PTPRD: variants seen among roughly 807,000 people sequenced by gnomAD.
PTPRD encodes the protein protein tyrosine phosphatase receptor type D, also known as receptor-type tyrosine-protein phosphatase delta.
Under a neutral mutation model 214.5 loss-of-function variants are expected in PTPRD, and 34 were observed. That is an observed-to-expected ratio of 0.16 (90% CI 0.12 to 0.21). The LOEUF (loss-of-function observed/expected upper bound fraction) is 0.21, where lower values mean the gene tolerates loss of function less well. PTPRD is among the 10% of genes least tolerant of loss of function. PTPRD has a pLI of 1.00. For missense variants in PTPRD, 2,545 were observed against 2,398.7 expected, an observed-to-expected ratio of 1.06 and a Z score of -1.27; for synonymous variants, 1,128 against 845.7, an observed-to-expected ratio of 1.33 and a Z score of -5.79.
intron 8 of PTPRD, among the ~76,000 whole-genome samples, chr9:9,426,876 A>T (rs562613096): frequency 3.9e-5 from 6 of 152,028 alleles, no homozygotes; most frequent in African/African-American, 1.4e-4. Context: ...TAACAAACAG[A>T]AAGGGCATCT....
At chr9:8,621,331 G>C (rs1204161484) in intron 14 of PTPRD, among the ~76,000 whole-genome samples, 1 of 151,966 alleles carries the variant, frequency 6.6e-6, no homozygotes, top group East Asian at 1.9e-4. Flanking sequence ...AACCAGGCTT[G>C]TGTAAAAGAC....
intron 8 of PTPRD, among the ~76,000 whole-genome samples, chr9:9,486,164 A>AAAAAC (rs2095625504): frequency 7.0e-6 from 1 of 142,246 alleles, no homozygotes; most frequent in South Asian, 2.3e-4. Context: ...AAAAAAAAAA[A>AAAAAC]AAAAAAAAAA....
At chr9:8,948,808 T>C (rs895438211) in intron 11 of PTPRD, among the ~76,000 whole-genome samples, 4 of 151,266 alleles carry the variant, frequency 2.6e-5, no homozygotes, top group African/African-American at 4.9e-5. Flanking sequence ...GATGAAGCCA[T>C]AATTCTGGAA....
chr9:8,780,874 G>A (rs1034871406), intron 11 of PTPRD, among the ~76,000 whole-genome samples: 1 of 152,164 alleles, frequency 6.6e-6, no homozygotes, highest in Non-Finnish European at 1.5e-5. Context: ...GTGGAGGTAC[G>A]TTTGCTTACA....
intron 2 of PTPRD, among the ~76,000 whole-genome samples, chr9:10,430,312 AG>A (rs1264521317): frequency 2.6e-5 from 4 of 152,006 alleles, no homozygotes; most frequent in Non-Finnish European, 5.9e-5. Context: ...ATTTAAAAAA[AG>A]AAATTAAAAC....
chr9:9,018,730 G>T lies in PTPRD; in HGVS notation c.-137C>A, dbSNP rs893069103. 2 of 152,134 alleles carry T rather than the reference G, an allele frequency of 1.3e-5. No homozygotes were observed. The highest frequency in any genetic ancestry group is 6.6e-5 in the Admixed American group (1 of 15,258). 9.4% of individuals were successfully genotyped at this position (152,134 alleles called of 1,614,324 possible). On this transcript the variant is annotated 5_prime_UTR_variant, in exon 11 of 46. Coordinates refer to ENST00000381196, the MANE Select transcript of PTPRD (RefSeq NM_002839.4). ...TAGATCCCACGGGTGTTCACCAGAC[G>T]TCTCCCTAAACAAAGAAGAAATGTG...
chr9:9,882,278 T>A (rs1218249268), intron 5 of PTPRD, among the ~76,000 whole-genome samples: 1 of 152,110 alleles, frequency 6.6e-6, no homozygotes, highest in Non-Finnish European at 1.5e-5. Flanking sequence ...TAGAATATTT[T>A]CTAGAGGTTC....
At chr9:8,418,125 C>G (rs1163256560) in intron 35 of PTPRD, among the ~76,000 whole-genome samples, 1 of 152,108 alleles carries the variant, frequency 6.6e-6, no homozygotes, top group Non-Finnish European at 1.5e-5. Flanking sequence ...TAAATTCCAG[C>G]CTTTGGCTCT....
At chr9:8,330,239 G>A (rs185082792) in intron 44 of PTPRD, among the ~76,000 whole-genome samples, 12 of 152,244 alleles carry the variant, frequency 7.9e-5, no homozygotes, top group African/African-American at 2.9e-4. Flanking sequence ...AGATGAAATG[G>A]GAAACGCAGA....
intron 14 of PTPRD, among the ~76,000 whole-genome samples, chr9:8,608,258 ACTTG>A (rs1299571071): frequency 6.6e-6 from 1 of 152,168 alleles, no homozygotes; most frequent in African/African-American, 2.4e-5. Context: ...AAATTTCATG[ACTTG>A]GATGATCCAG....
intron 2 of PTPRD, among the ~76,000 whole-genome samples, chr9:10,520,801 C>A (rs1044010722): frequency 6.6e-6 from 1 of 151,992 alleles, no homozygotes; most frequent in Non-Finnish European, 1.5e-5. Flanking sequence ...AATGGAACAA[C>A]AAAGCCTAGA....
chr9:8,592,216 T>G (rs1352262150), intron 14 of PTPRD, among the ~76,000 whole-genome samples: 1 of 152,188 alleles, frequency 6.6e-6, no homozygotes, highest in East Asian at 1.9e-4. Context: ...TCCTTCTAGC[T>G]CTTCTTAAAG....
chr9:8,711,702 G>A (rs1401862047), intron 12 of PTPRD, among the ~76,000 whole-genome samples: 2 of 152,124 alleles, frequency 1.3e-5, no homozygotes, highest in African/African-American at 2.4e-5. Context: ...GGTGGGCCCA[G>A]GTATCTGTTG....
chr9:10,239,736 T>C (rs567108465), intron 3 of PTPRD, among the ~76,000 whole-genome samples: 1 of 151,878 alleles, frequency 6.6e-6, no homozygotes, highest in South Asian at 2.1e-4. Context: ...ATGTTATGAA[T>C]ATGTGGAGTC....
chr9:8,341,667 T>A (rs773690249), intron 40 of PTPRD, 26 bp downstream of exon 40: 8 of 1,606,450 alleles, frequency 5.0e-6, no homozygotes, highest in Non-Finnish European at 6.8e-6. Context: ...TGCTCCTGAA[T>A]AACCACATCA....
intron 11 of PTPRD, among the ~76,000 whole-genome samples, chr9:8,813,669 G>A (rs530693833): frequency 9.9e-5 from 15 of 152,260 alleles, no homozygotes; most frequent in African/African-American, 3.6e-4. Context: ...CACCGCGCCG[G>A]GCCTTCCTCC....
intron 10 of PTPRD, among the ~76,000 whole-genome samples, chr9:9,078,668 T>A (rs1343183332): frequency 6.6e-6 from 1 of 152,000 alleles, no homozygotes; most frequent in Non-Finnish European, 1.5e-5. Context: ...GGGAGTGTTC[T>A]CAGGAGATAC....
intron 5 of PTPRD, among the ~76,000 whole-genome samples, chr9:9,868,592 T>G (rs1437684881): frequency 6.6e-6 from 1 of 151,036 alleles, no homozygotes; most frequent in Non-Finnish European, 1.5e-5. Flanking sequence ...GACAATGAGA[T>G]AAATTATTAA....
intron 12 of PTPRD, among the ~76,000 whole-genome samples, chr9:8,649,892 A>G (rs1029535399): frequency 6.6e-6 from 1 of 152,102 alleles, no homozygotes; most frequent in African/African-American, 2.4e-5. Context: ...GCAACATTTT[A>G]CTTTAAGGGC....
Sources: gnomAD v4.1 joint callset for allele counts (sites outside exome capture counted in the v4.1 genomes callset) on GRCh38, gnomAD v4.1.1 for gene constraint, MANE v1.5 for transcripts, NCBI Gene and HGNC (gene_info 2026-07-23, HGNC 2026-07-21) for gene names.